OR2T33: variants seen among roughly 807,000 people sequenced by gnomAD.
OR2T33 encodes the protein olfactory receptor 2T33.
A neutral mutation model predicts 14.0 loss-of-function variants in OR2T33; 10 were observed. The ratio of observed to expected loss-of-function variants is 0.72; its 90% CI spans 0.44 to 1.22. The LOEUF (loss-of-function observed/expected upper bound fraction) is 1.22, where lower values mean the gene tolerates loss of function less well. Ranked by LOEUF, OR2T33 falls within the 50% of genes most tolerant of loss-of-function variation. The pLI is 0.00. For synonymous variants in OR2T33, 103 were observed against 159.4 expected (o/e 0.65, Z 2.66); for missense variants, 276 against 405.9 (o/e 0.68, Z 2.75).
chr1:248,273,623 A>C lies in OR2T33; in HGVS notation c.192T>G (p.Leu64=), dbSNP rs146015658. ...HTPMYFLLSQ[L]SLMDMMLVST... ...AAACCAGCATCATGTCCATGAGGGA[A>C]AGTTGGCTCAGGAGGAAGTACATGG... The change falls in exon 2 of 2, where the codon CTT becomes CTG. Residue 64 remains leucine, a synonymous_variant. Transcript: ENST00000641220. 3.1e-6 allele frequency: 5 copies of C among 1,599,606 alleles called. No homozygotes were observed. Among genetic ancestry groups the C allele is most frequent in the South Asian group, 2.2e-5 (2 of 89,006 alleles).
chr1:248,276,006 C>T lies in OR2T33; in HGVS notation c.-9+1759G>A, dbSNP rs189297522. ...GTTTACTCATATGTTTTTAAATCAG[C>T]GGTCCCCAACATTTTCCACAGATGG... On this transcript the variant is annotated intron_variant, in intron 1 of 1. Transcript: ENST00000641220. Among the ~76,000 whole-genome samples, 4 of 152,220 alleles carry T rather than the reference C, an allele frequency of 2.6e-5. No homozygotes were observed. In the East Asian group the frequency reaches 5.8e-4, roughly 22 times the overall value.
chr1:248,273,617 G>C lies in OR2T33; in HGVS notation c.198C>G (p.Leu66=), dbSNP rs776700362. 4 of 1,613,752 alleles carry C rather than the reference G, an allele frequency of 2.5e-6. No homozygotes were observed. Among genetic ancestry groups the C allele is most frequent in the East Asian group, 4.5e-5 (2 of 44,872 alleles). ...PMYFLLSQLS[L]MDMMLVSTTV... The stretch of plus-strand genomic sequence containing the variant: ...TGGTGGAAACCAGCATCATGTCCAT[G>C]AGGGAAAGTTGGCTCAGGAGGAAGT... Residue 66 remains leucine (L), a synonymous_variant, in exon 2 of 2, where the codon CTC becomes CTG. Coordinates refer to ENST00000641220, the MANE Select transcript of OR2T33 (RefSeq NM_001004695.2).
In OR2T33 at chr1:248,276,868, T is replaced by C. The variant is rs78464809; in HGVS notation, c.-9+897A>G. On this transcript the variant is annotated intron_variant, in intron 1 of 1. Transcript: ENST00000641220. ...ACTGTTTTTACTAATTACCATCCAA[T>C]GTATTTTTTGAATAAAGGATTTTTT... is the stretch of plus-strand genomic sequence containing the variant. Among the ~76,000 whole-genome samples the C allele has an allele frequency of 2.4e-3, 361 of 152,072 alleles. 2 individuals are homozygous for C. Among genetic ancestry groups the C allele is most frequent in the Non-Finnish European group, 4.0e-3 (274 of 67,938 alleles).
Position 248,271,632 on chromosome 1 carries a change from C to T in OR2T33, c.*1220G>A, listed in dbSNP as rs1239673410. On this transcript the variant is annotated 3_prime_UTR_variant, in exon 2 of 2. Transcript: ENST00000641220. ...TCCTTTCATTTGTTCTAAAACAAGT[C>T]CCTTTTGAAATTCAGGATGGCCAGA... 6.6e-6 allele frequency: 1 copy of T among 152,124 alleles called. No individual in the cohort carries two copies. The highest frequency in any genetic ancestry group is 1.5e-5 in the Non-Finnish European group (1 of 68,010). The allele number at this position is 152,124 out of a possible 1,614,324, so 9.4% of individuals were successfully genotyped here.
intron 1 of OR2T33, among the ~76,000 whole-genome samples, chr1:248,274,607 G>A (rs1659427212): frequency 6.6e-6 from 1 of 152,140 alleles, no homozygotes; most frequent in South Asian, 2.1e-4. Flanking sequence ...TGGAGACCTA[G>A]AAAGGCTGGG....
chr1:248,274,031 G>T (rs1659421902), intron 1 of OR2T33, among the ~76,000 whole-genome samples: 3 of 152,066 alleles, frequency 2.0e-5, no homozygotes, highest in African/African-American at 7.2e-5. Flanking sequence ...CTGAGATCGT[G>T]TACTACAAAC....
chr1:248,277,189 G>A (rs1413943498), intron 1 of OR2T33, among the ~76,000 whole-genome samples: 1 of 150,234 alleles, frequency 6.7e-6, no homozygotes, highest in Non-Finnish European at 1.5e-5. Context: ...GTCTTTCTTA[G>A]CTCTTCTAGG....
rs1659388924 is a variant in OR2T33 at position 248,272,800 on chromosome 1, A to G, written c.*52T>C. Reference sequence around the variant, plus strand: ...TGAATTGCTAAAGGGAGAGAATAACAATGTGTTAAAATATTAATAAATTCA... The same window carrying G: ...TGAATTGCTAAAGGGAGAGAATAACGATGTGTTAAAATATTAATAAATTCA... On this transcript the variant is annotated 3_prime_UTR_variant, in exon 2 of 2. Coordinates refer to ENST00000641220, the MANE Select transcript of OR2T33 (RefSeq NM_001004695.2). 14 of 1,542,818 alleles carry G rather than the reference A, an allele frequency of 9.1e-6. No individual in the cohort carries two copies. Among genetic ancestry groups the G allele is most frequent in the Non-Finnish European group, 8.7e-6 (10 of 1,149,358 alleles).
intron 1 of OR2T33, among the ~76,000 whole-genome samples, chr1:248,274,627 G>C (rs981583809): frequency 2.6e-5 from 4 of 152,188 alleles, no homozygotes; most frequent in African/African-American, 9.7e-5. Context: ...GTGAATATGA[G>C]AGGGAAGCAT....
intron 1 of OR2T33, among the ~76,000 whole-genome samples, chr1:248,275,662 T>A (rs1236524462): frequency 6.6e-6 from 1 of 151,948 alleles, no homozygotes; most frequent in African/African-American, 2.4e-5. Context: ...TGAACCTGCA[T>A]GTTTGGCACA....
intron 1 of OR2T33, among the ~76,000 whole-genome samples, chr1:248,274,453 C>A (rs1010105914): frequency 6.6e-6 from 1 of 152,182 alleles, no homozygotes; most frequent in African/African-American, 2.4e-5. Context: ...CTGTTAAATG[C>A]AGTCATTCTA....
chr1:248,273,757 T>C lies in OR2T33; in HGVS notation c.58A>G (p.Arg20Gly). 6.2e-7 allele frequency: 1 copy of C among 1,613,806 alleles called. No individual in the cohort carries two copies. The highest frequency in any genetic ancestry group is 8.5e-7 in the Non-Finnish European group (1 of 1,179,750). Residue 20 changes from arginine to glycine, a missense_variant, in exon 2 of 2, where the codon AGA (arginine) becomes GGA (glycine). By Grantham distance (125) the Arg-to-Gly change is moderately radical. Transcript: ENST00000641220. The part of the protein sequence containing the change: ...FILLGLFNHT[R>G]AHQVLFMMVL... ...ATCATGAAGAGGACTTGGTGGGCTC[T>C]GGTGTGGTTAAAGAGTCCTAGGAGA...
At chr1:248,274,276 A>G (rs1242531680) in intron 1 of OR2T33, among the ~76,000 whole-genome samples, 1 of 152,204 alleles carries the variant, frequency 6.6e-6, no homozygotes, top group Non-Finnish European at 1.5e-5. Flanking sequence ...GGTCTTTTAA[A>G]AACTAAACAA....
At chr1:248,276,730 A>G (rs1659451293) in intron 1 of OR2T33, among the ~76,000 whole-genome samples, 1 of 152,150 alleles carries the variant, frequency 6.6e-6, no homozygotes, top group Non-Finnish European at 1.5e-5. Flanking sequence ...ATGATGTATA[A>G]TATTGTTATA....
In OR2T33 at chr1:248,271,978, A is replaced by G. The variant is rs1249805188; in HGVS notation, c.*874T>C. The stretch of plus-strand genomic sequence containing the variant: ...TTTTTCAACAGAAATACCTCTAATT[A>G]CCTATGTCTTGGCAGAAGTAAGGTG... On this transcript the variant is annotated 3_prime_UTR_variant, in exon 2 of 2. Coordinates refer to ENST00000641220, the MANE Select transcript of OR2T33 (RefSeq NM_001004695.2). 3.9e-5 allele frequency: 6 copies of G among 152,106 alleles called. No homozygotes were observed. The highest frequency in any genetic ancestry group is 1.4e-4 in the African/African-American group (6 of 41,430). 9.4% of individuals were successfully genotyped at this position (152,106 alleles called of 1,614,324 possible). A position where few individuals can be genotyped will look rare whatever the true frequency, so the allele number is the denominator to read the frequency against.
At chr1:248,275,990 T>C (rs1211932916) in intron 1 of OR2T33, among the ~76,000 whole-genome samples, 1 of 152,210 alleles carries the variant, frequency 6.6e-6, no homozygotes, top group Non-Finnish European at 1.5e-5. Context: ...TGTTTACTCA[T>C]ATGTTTTTAA....
chr1:248,273,061 C>T lies in OR2T33; in HGVS notation c.754G>A (p.Ala252Thr). 1 of 1,613,196 alleles carries T rather than the reference C, an allele frequency of 6.2e-7. No homozygotes were observed. The highest frequency in any genetic ancestry group is 8.5e-7 in the Non-Finnish European group (1 of 1,179,866). Residue 252 changes from alanine to threonine, a missense_variant, in exon 2 of 2, where the codon GCT becomes ACT. Ala to Thr is a moderately conservative substitution (Grantham distance 58). Coordinates refer to ENST00000641220, the MANE Select transcript of OR2T33 (RefSeq NM_001004695.2). ...GGTCTCATATAGGTAAAAATGGCAG[C>T]TCCATAAAAGAGTCCCACCACAGCC... ...HVAVVGLFYG[A>T]AIFTYMRPKS...
intron 1 of OR2T33, among the ~76,000 whole-genome samples, chr1:248,276,507 T>C (rs2103032786): frequency 6.6e-6 from 1 of 152,260 alleles, no homozygotes; most frequent in South Asian, 2.1e-4. Context: ...GGTGACATGA[T>C]GGTGAAAGTC....
Position 248,272,784 on chromosome 1 carries a change from A to G in OR2T33, c.*68T>C. ...CTTAATTTTCTCTGCATGAATTGCT[A>G]AAGGGAGAGAATAACAATGTGTTAA... is the stretch of plus-strand genomic sequence containing the variant. On this transcript the variant is annotated 3_prime_UTR_variant, in exon 2 of 2. Transcript: ENST00000641220. The G allele has an allele frequency of 6.6e-7, 1 of 1,522,516 alleles. No individual in the cohort carries two copies. Among genetic ancestry groups the G allele is most frequent in the Non-Finnish European group, 8.8e-7 (1 of 1,136,950 alleles). 94.3% of individuals were successfully genotyped at this position (1,522,516 alleles called of 1,614,324 possible).
Sources: allele counts gnomAD v4.1 joint callset (sites outside exome capture counted in the v4.1 genomes callset), GRCh38; gene constraint gnomAD v4.1.1; transcripts MANE v1.5; gene names NCBI Gene and HGNC (gene_info 2026-07-23, HGNC 2026-07-21).